The following LHFPL3 variants were observed in gnomAD, a reference collection of about 807,000 sequenced individuals.
LHFPL3 encodes LHFPL tetraspan subfamily member 3, also known as LHFPL tetraspan subfamily member 3 protein.
Under a neutral mutation model 19.3 loss-of-function variants are expected in LHFPL3, and 5 were observed. The ratio of observed to expected loss-of-function variants is 0.26; its 90% confidence interval spans 0.14 to 0.54. The LOEUF is 0.54. LHFPL3 is among the 20% of genes least tolerant of loss of function. The probability of loss-of-function intolerance (pLI) is 0.94; values close to 1 mark genes in which losing one functional copy is unlikely to be tolerated. For synonymous variants in LHFPL3, 133 were observed against 126.2 expected (o/e 1.05, Z -0.36); for missense variants, 249 against 307.4 (o/e 0.81, Z 1.42).
chr7:104,535,957 T>A (rs1259259004), intron 1 of LHFPL3, among the ~76,000 whole-genome samples: 1 of 152,188 alleles, frequency 6.6e-6, no homozygotes, highest in East Asian at 1.9e-4. Context: ...TGTGTGCTCA[T>A]TGGCACAGTC....
In LHFPL3 at chr7:104,399,526, G is replaced by T. The variant is rs1311549858; in HGVS notation, c.445+70302G>T. On this transcript the variant is annotated intron_variant, in intron 1 of 2. Coordinates refer to ENST00000424859, the MANE Select transcript of LHFPL3 (RefSeq NM_199000.3). The surrounding 1 kb of genome is among the most constrained non-coding windows in gnomAD (Gnocchi z 4.4). ...TGGCAGGCTGGAGTGCAGTGGCGCAGTCTTGGCTCAGTGCAACCTCTGGCT... is the reference window on the plus strand; with the variant it reads ...TGGCAGGCTGGAGTGCAGTGGCGCATTCTTGGCTCAGTGCAACCTCTGGCT... Among the ~76,000 whole-genome samples, 1 of 151,446 alleles carries T rather than the reference G, an allele frequency of 6.6e-6. No individual in the cohort carries two copies. The highest frequency in any genetic ancestry group is 1.5e-5 in the Non-Finnish European group (1 of 67,858).
At chr7:104,767,789 C>A (rs1794481674) in intron 2 of LHFPL3, among the ~76,000 whole-genome samples, 1 of 152,156 alleles carries the variant, frequency 6.6e-6, no homozygotes. Context: ...GCTTCCAACT[C>A]CCTTTCTCAA....
At chr7:104,737,784 CCTT>C (rs1435632915) in intron 2 of LHFPL3, among the ~76,000 whole-genome samples, 1 of 152,082 alleles carries the variant, frequency 6.6e-6, no homozygotes. Context: ...CTGAGTGGCT[CCTT>C]CTTCTAGCTC....
At chr7:104,409,694 C>T (rs1791496710) in intron 1 of LHFPL3, among the ~76,000 whole-genome samples, 1 of 152,064 alleles carries the variant, frequency 6.6e-6, no homozygotes, top group Non-Finnish European at 1.5e-5. Context: ...CACCCATAAC[C>T]TATTTTATTA....
rs577918730 is a variant in LHFPL3, at chr7:104,653,871, G to A, written c.446-82804G>A. ...GCTTGGCATCCCCCCAAATCCACAG[G>A]CCCAATTCATTCTGTTAAGCTTCAT... On this transcript the variant is annotated intron_variant, in intron 1 of 2. Coordinates refer to ENST00000424859, the MANE Select transcript of LHFPL3 (RefSeq NM_199000.3). 2.3e-4 allele frequency among the ~76,000 whole-genome samples: 35 copies of A among 152,190 alleles called. No individual in the cohort carries two copies. The South Asian group carries it at 5.8e-3, about 25-fold the overall frequency.
At chr7:104,415,669 A>G (rs1791606819) in intron 1 of LHFPL3, among the ~76,000 whole-genome samples, 1 of 152,212 alleles carries the variant, frequency 6.6e-6, no homozygotes, top group South Asian at 2.1e-4. Flanking sequence ...TCCACTTTCT[A>G]GTCAGCTTTT....
In LHFPL3 at chr7:104,666,524, T is replaced by TTTTTTA. The variant is rs1562961389; in HGVS notation, c.446-70146_446-70145insATTTTT. 4.2e-3 allele frequency among the ~76,000 whole-genome samples: 310 copies of TTTTTTA among 74,144 alleles called. 12 individuals carry two copies. Among genetic ancestry groups the TTTTTTA allele is most frequent in the African/African-American group, 0.013 (296 of 22,734 alleles). 48.6% of individuals were successfully genotyped at this position (74,144 alleles called of 152,430 possible). A position where few individuals can be genotyped will look rare whatever the true frequency, so the allele number is the denominator to read the frequency against. On this transcript the variant is annotated intron_variant, in intron 1 of 2. Transcript: ENST00000424859. ...ACAGGATTTCATTCTTTTTTTTTTTTTTTTTTTTTTTTTTTGAGACGGAGT... is the reference window on the plus strand; with the variant it reads ...ACAGGATTTCATTCTTTTTTTTTTTTTTTTTATTTTTTTTTTTTTTTGAGACGGAGT...
At chr7:104,853,498 A>G (rs1057443591) in intron 2 of LHFPL3, among the ~76,000 whole-genome samples, 1 of 152,230 alleles carries the variant, frequency 6.6e-6, no homozygotes, top group African/African-American at 2.4e-5. Context: ...ACAAAAATGC[A>G]GACTGCGTGA....
At chr7:104,680,073 T>A (rs1043159942) in intron 1 of LHFPL3, among the ~76,000 whole-genome samples, 2 of 152,180 alleles carry the variant, frequency 1.3e-5, no homozygotes, top group Non-Finnish European at 2.9e-5. Context: ...ATTAATCAGC[T>A]TCTCAAACCT....
intron 2 of LHFPL3, among the ~76,000 whole-genome samples, chr7:104,808,017 A>G (rs1338378135): frequency 6.6e-6 from 1 of 152,216 alleles, no homozygotes; most frequent in Non-Finnish European, 1.5e-5. Context: ...ACTATACTCC[A>G]TCTCGGCTGA....
intron 1 of LHFPL3, among the ~76,000 whole-genome samples, chr7:104,462,873 GT>G (rs974659271): frequency 6.6e-6 from 1 of 151,732 alleles, no homozygotes; most frequent in South Asian, 2.1e-4. Context: ...TGGTCCTGGG[GT>G]TTTTTTTGGT....
At chr7:104,433,232 G>A (rs1259989931) in intron 1 of LHFPL3, among the ~76,000 whole-genome samples, 1 of 152,180 alleles carries the variant, frequency 6.6e-6, no homozygotes, top group East Asian at 1.9e-4. Flanking sequence ...ACAGACCAAT[G>A]ATGTTGTCAC....
intron 2 of LHFPL3, among the ~76,000 whole-genome samples, chr7:104,767,147 G>A (rs937156387): frequency 2.0e-5 from 3 of 152,232 alleles, no homozygotes; most frequent in Non-Finnish European, 4.4e-5. Flanking sequence ...ATTTCTCAAA[G>A]TAACCATTAT....
intron 1 of LHFPL3, among the ~76,000 whole-genome samples, chr7:104,470,723 T>C (rs953898364): frequency 1.3e-5 from 2 of 152,194 alleles, no homozygotes; most frequent in African/African-American, 4.8e-5. Context: ...CCAGGAAGAC[T>C]GGCCCTGGAG....
chr7:104,610,841 G>A (rs1349541967), intron 1 of LHFPL3, among the ~76,000 whole-genome samples: 1 of 152,208 alleles, frequency 6.6e-6, no homozygotes, highest in African/African-American at 2.4e-5. Context: ...GCCCAGTTAA[G>A]TTAGTGCATA....
intron 2 of LHFPL3, among the ~76,000 whole-genome samples, chr7:104,769,663 T>G (rs1415298106): frequency 6.8e-6 from 1 of 147,980 alleles, no homozygotes; most frequent in Non-Finnish European, 1.5e-5. Flanking sequence ...CCTGTGTCCA[T>G]GTGTTCTCAT....
chr7:104,855,051 C>T (rs746743676), intron 2 of LHFPL3, among the ~76,000 whole-genome samples: 2 of 152,208 alleles, frequency 1.3e-5, no homozygotes, highest in African/African-American at 2.4e-5. Context: ...CCTTGATCAG[C>T]TTATCCCAGG....
intron 2 of LHFPL3, among the ~76,000 whole-genome samples, chr7:104,747,939 G>C (rs1794081823): frequency 1.3e-5 from 2 of 152,092 alleles, no homozygotes; most frequent in Non-Finnish European, 2.9e-5. Flanking sequence ...AAAAGCAAGA[G>C]AGATCAGATT....
intron 1 of LHFPL3, among the ~76,000 whole-genome samples, chr7:104,497,864 C>T (rs564972620): frequency 6.6e-6 from 1 of 152,206 alleles, no homozygotes; most frequent in South Asian, 2.1e-4. Flanking sequence ...TCACAGAGCC[C>T]TGACACCTGA....
Sources: allele counts gnomAD v4.1 joint callset (sites outside exome capture counted in the v4.1 genomes callset), GRCh38; gene constraint gnomAD v4.1.1; non-coding constraint Gnocchi (gnomAD v3.1); transcripts MANE v1.5; gene names NCBI Gene and HGNC (gene_info 2026-07-23, HGNC 2026-07-21).